The following RARB variants were observed in gnomAD, a reference collection of about 807,000 sequenced individuals.
RARB encodes the protein HBV-activated protein.
Under a neutral mutation model 51.9 loss-of-function variants are expected in RARB, and 17 were observed. That is an observed-to-expected ratio of 0.33 (90% CI 0.22 to 0.49). The LOEUF is 0.49. Ranked by LOEUF, RARB falls within the 20% of genes least tolerant of loss-of-function variation. RARB has a pLI of 0.99. For synonymous variants in RARB, 215 were observed against 195.4 expected (o/e 1.10, Z -0.84); for missense variants, 369 against 550.8 (o/e 0.67, Z 3.30).
intron 5 of RARB, among the ~76,000 whole-genome samples, chr3:25,198,536 C>G (rs1387982691): frequency 2.0e-5 from 3 of 151,772 alleles, no homozygotes; most frequent in Non-Finnish European, 2.9e-5. Context: ...CAAGAATTAA[C>G]CAGAATATAA....
chr3:25,089,117 G>T (rs1275069745), intron 3 of RARB, among the ~76,000 whole-genome samples: 1 of 151,844 alleles, frequency 6.6e-6, no homozygotes, highest in African/African-American at 2.4e-5. Flanking sequence ...CTTCTCAAGG[G>T]TTAGAAATAA....
chr3:25,054,421 C>G (rs1027246891), intron 2 of RARB, among the ~76,000 whole-genome samples: 2 of 152,006 alleles, frequency 1.3e-5, no homozygotes, highest in Non-Finnish European at 2.9e-5. Flanking sequence ...CCTGAGGGAG[C>G]TGAATGTCCT....
chr3:25,435,385 T>G (rs1451795297), intron 1 of RARB, among the ~76,000 whole-genome samples: 1 of 152,234 alleles, frequency 6.6e-6, no homozygotes, highest in Non-Finnish European at 1.5e-5. Flanking sequence ...GAAGACCTCA[T>G]GTAATAAATT....
At chr3:25,015,711 A>G (rs1182149184) in intron 2 of RARB, among the ~76,000 whole-genome samples, 1 of 152,154 alleles carries the variant, frequency 6.6e-6, no homozygotes, top group Non-Finnish European at 1.5e-5. Context: ...GAGAGAGGCT[A>G]TTCTTTTCTG....
chr3:25,421,899 T>C (rs1295258417), intron 5 of RARB, among the ~76,000 whole-genome samples: 1 of 152,200 alleles, frequency 6.6e-6, no homozygotes, highest in Non-Finnish European at 1.5e-5. Context: ...TGGCCCCACC[T>C]ACCATGTTAC....
chr3:24,849,190 G>T (rs1021762533), intron 1 of RARB, among the ~76,000 whole-genome samples: 1 of 152,082 alleles, frequency 6.6e-6, no homozygotes, highest in Non-Finnish European at 1.5e-5. Context: ...ATAAAAATAA[G>T]CAATTATAAC....
chr3:25,393,845 A>G (rs927597040), intron 5 of RARB, among the ~76,000 whole-genome samples: 1 of 151,804 alleles, frequency 6.6e-6, no homozygotes, highest in Non-Finnish European at 1.5e-5. Flanking sequence ...AATTTTGTTT[A>G]TCTTTTCAAA....
At chr3:25,233,192 C>T (rs922416484) in intron 5 of RARB, among the ~76,000 whole-genome samples, 1 of 151,902 alleles carries the variant, frequency 6.6e-6, no homozygotes, top group South Asian at 2.1e-4. Flanking sequence ...AGCTCCTAGC[C>T]TCATGATCCA....
chr3:25,402,090 A>G (rs1575374584), intron 5 of RARB, among the ~76,000 whole-genome samples: 1 of 152,106 alleles, frequency 6.6e-6, no homozygotes. Flanking sequence ...AATTTTCAAC[A>G]TATATATTTT....
rs76090519 is a variant in RARB, at chr3:24,853,699, C to A, written c.-458-4975C>A. 4.0e-4 allele frequency among the ~76,000 whole-genome samples: 61 copies of A among 152,300 alleles called. 1 individual carries two copies. In the East Asian group the frequency reaches 6.6e-3, roughly 16 times the overall value. On this transcript the variant is annotated intron_variant, in intron 1 of 11. Transcript: ENST00000383772. Reference sequence around the variant, plus strand: ...TTAGCCATTAAACTTCTCATTCACCCGTTCTTCATTAAATGCCTGTCTTAA... The same window carrying A: ...TTAGCCATTAAACTTCTCATTCACCAGTTCTTCATTAAATGCCTGTCTTAA...
At chr3:25,324,943 A>G (rs1023236158) in intron 5 of RARB, among the ~76,000 whole-genome samples, 32 of 152,196 alleles carry the variant, frequency 2.1e-4, no homozygotes, top group African/African-American at 7.0e-4. Context: ...GCGTTCTTAG[A>G]TCTCATGCAA....
At chr3:24,924,561 A>G (rs1695278160) in intron 2 of RARB, among the ~76,000 whole-genome samples, 1 of 152,158 alleles carries the variant, frequency 6.6e-6, no homozygotes, top group Non-Finnish European at 1.5e-5. Flanking sequence ...AGTGTGACTA[A>G]TAGATATCAT....
intron 2 of RARB, among the ~76,000 whole-genome samples, chr3:24,951,282 C>T (rs1340087440): frequency 6.6e-6 from 1 of 152,000 alleles, no homozygotes. Context: ...AAGACACATC[C>T]CATGCAGAGG....
chr3:25,046,358 G>C lies in RARB; in HGVS notation c.-379-13767G>C, dbSNP rs368143700. ...ACTGAGAAACTACAGGTCATTCATA[G>C]AGCAATTTTAAGATCTATTGAAGAC... On this transcript the variant is annotated intron_variant, in intron 2 of 11. Transcript: ENST00000383772. 9.7e-4 allele frequency among the ~76,000 whole-genome samples: 147 copies of C among 152,286 alleles called. 1 individual carries two copies. The highest frequency in any genetic ancestry group is 3.4e-3 in the African/African-American group (143 of 41,550).
intron 1 of RARB, among the ~76,000 whole-genome samples, chr3:25,429,665 T>TA (rs1203563479): frequency 6.0e-4 from 91 of 150,486 alleles, no homozygotes; most frequent in African/African-American, 1.4e-3. Context: ...TAGCCCAATT[T>TA]AAAAAAAAAA....
chr3:24,885,754 C>G (rs1419603516), intron 2 of RARB, among the ~76,000 whole-genome samples: 2 of 152,128 alleles, frequency 1.3e-5, no homozygotes, highest in Non-Finnish European at 2.9e-5. Context: ...CTCTTTAAAG[C>G]AGGGTCTGCA....
chr3:25,329,266 C>T (rs1405003102), intron 5 of RARB, among the ~76,000 whole-genome samples: 1 of 152,160 alleles, frequency 6.6e-6, no homozygotes, highest in Non-Finnish European at 1.5e-5. Context: ...AACGGGGAGG[C>T]ACCACCCAGT....
At chr3:25,061,709 AT>A (rs1377987341) in intron 3 of RARB, among the ~76,000 whole-genome samples, 1 of 151,816 alleles carries the variant, frequency 6.6e-6, no homozygotes, top group Non-Finnish European at 1.5e-5. Context: ...GATCCACTAA[AT>A]TTTATATTTT....
chr3:24,916,963 C>T (rs2125383876), intron 2 of RARB, among the ~76,000 whole-genome samples: 1 of 152,260 alleles, frequency 6.6e-6, no homozygotes, highest in African/African-American at 2.4e-5. Flanking sequence ...AAACTGTACA[C>T]ATTCAATTAT....
Sources: allele counts gnomAD v4.1 joint callset (sites outside exome capture counted in the v4.1 genomes callset), GRCh38; gene constraint gnomAD v4.1.1; transcripts MANE v1.5; gene names NCBI Gene and HGNC (gene_info 2026-07-23, HGNC 2026-07-21).